Variants in ACSL6 observed in about 807,000 individuals in gnomAD.
The protein encoded by ACSL6 is acyl-CoA synthetase long chain family member 6.
ACSL6 carries 47 observed loss-of-function variants against 98.2 expected under a neutral mutation model. The observed-to-expected ratio is 0.48, with a 90% confidence interval of 0.38 to 0.61. ACSL6 has a LOEUF of 0.61. Ranked by LOEUF, ACSL6 falls within the 20% of genes least tolerant of loss-of-function variation. The pLI, the probability that ACSL6 is intolerant of heterozygous loss-of-function variation, is 0.00. For synonymous variants in ACSL6, 362 were observed against 336.9 expected (o/e 1.07, Z -0.82); for missense variants, 761 against 913.4 (o/e 0.83, Z 2.15).
chr5:131,997,861 CTCAG>C (rs1365537967), intron 1 of ACSL6, among the ~76,000 whole-genome samples: 5 of 152,202 alleles, frequency 3.3e-5, no homozygotes, highest in Non-Finnish European at 7.3e-5. Flanking sequence ...TATCGACCTT[CTCAG>C]TCAGAACTGC....
chr5:131,971,510 C>T (rs1753304854), intron 14 of ACSL6, 40 bp downstream of exon 14: 2 of 1,533,562 alleles, frequency 1.3e-6, no homozygotes, highest in African/African-American at 1.4e-5. Flanking sequence ...CCCTAACGAA[C>T]TTCCTGCTGT....
intron 17 of ACSL6, 62 bp from the exon 18 acceptor site, chr5:131,962,740 C>G: frequency 6.3e-7 from 1 of 1,588,162 alleles, no homozygotes; most frequent in Non-Finnish European, 8.6e-7. Flanking sequence ...ACCTTTGCTC[C>G]TCAGTGCCGT....
At chr5:131,964,416 A>T (rs1752899180) in intron 17 of ACSL6, among the ~76,000 whole-genome samples, 1 of 152,290 alleles carries the variant, frequency 6.6e-6, no homozygotes, top group Non-Finnish European at 1.5e-5. Flanking sequence ...TCATTTAAAA[A>T]TAATAATTTA....
intron 1 of ACSL6, among the ~76,000 whole-genome samples, chr5:131,996,343 C>T (rs1277742690): frequency 2.6e-5 from 4 of 152,210 alleles, no homozygotes; most frequent in Admixed American, 2.6e-4. Context: ...GACTAGCTGG[C>T]CTTCTTGGGA....
chr5:131,986,981 TCA>T (rs58544750), intron 7 of ACSL6, 127 bp from the exon 8 acceptor site: 1,530 of 80,578 alleles, frequency 0.019, no homozygotes, highest in Non-Finnish European at 0.031. Flanking sequence ...ACCCACACAC[TCA>T]CACACACACA....
At chr5:132,005,058 A>G (rs1412472949) in intron 1 of ACSL6, among the ~76,000 whole-genome samples, 1 of 152,186 alleles carries the variant, frequency 6.6e-6, no homozygotes, top group Non-Finnish European at 1.5e-5. Context: ...AGGCTGAGGC[A>G]GGAGAATCAC....
At position 132,011,375 on chromosome 5, in the gene ACSL6, T is replaced by A; in HGVS notation, c.49+130A>T. ...GTGTACTTAGGCGGCCCTGGGGACC[T>A]TGACGGGACAGCTCAGCAGCAGGGG... On this transcript the variant is annotated intron_variant, in intron 1 of 20. Coordinates refer to ENST00000651883, the MANE Select transcript of ACSL6 (RefSeq NM_001009185.3). The surrounding 1 kb of genome is among the most constrained non-coding windows in gnomAD (Gnocchi z 5.4). The A allele has an allele frequency of 9.5e-7, 1 of 1,052,030 alleles. No homozygotes were observed. The highest frequency in any genetic ancestry group is 1.4e-6 in the Non-Finnish European group (1 of 697,966). 65.2% of individuals were successfully genotyped at this position (1,052,030 alleles called of 1,614,324 possible).
chr5:131,951,952 CAAAAT>C lies in ACSL6; in HGVS notation c.*2277_*2281del. 1 of 174,382 alleles carries C rather than the reference CAAAAT, an allele frequency of 5.7e-6. No homozygotes were observed. Among genetic ancestry groups the C allele is most frequent in the East Asian group, 1.0e-4 (1 of 9,770 alleles). The allele number at this position is 174,382 out of a possible 1,614,324, so 10.8% of individuals were successfully genotyped here. Reference sequence around the variant, plus strand: ...TAACTATTATAAAGTATAAATAAAACAAAATAAGTTTTACATTACTTGTTTCTGTC... The same window carrying C: ...TAACTATTATAAAGTATAAATAAAACAAGTTTTACATTACTTGTTTCTGTC... On this transcript the variant is annotated 3_prime_UTR_variant, in exon 21 of 21. Coordinates refer to ENST00000651883, the MANE Select transcript of ACSL6 (RefSeq NM_001009185.3).
intron 3 of ACSL6, 84 bp downstream of exon 3, chr5:131,990,769 G>T: frequency 7.9e-7 from 1 of 1,265,916 alleles, no homozygotes. Flanking sequence ...CATGGCCCTG[G>T]TATCATGCTT....
At chr5:131,976,013 C>T (rs1363154408) in intron 10 of ACSL6, 2 of 985,354 alleles carry the variant, frequency 2.0e-6, no homozygotes, top group Non-Finnish European at 2.4e-6. Flanking sequence ...ACTTTCTCCA[C>T]AGTGAAGAAA....
intron 1 of ACSL6, among the ~76,000 whole-genome samples, chr5:132,002,592 G>A (rs974014360): frequency 2.4e-4 from 37 of 152,194 alleles, no homozygotes; most frequent in Admixed American, 2.2e-3. Context: ...CTGGGGACAC[G>A]TGCTAGGGGA....
intron 1 of ACSL6, among the ~76,000 whole-genome samples, chr5:132,002,444 T>A (rs1211735775): frequency 6.6e-6 from 1 of 152,094 alleles, no homozygotes; most frequent in Admixed American, 6.5e-5. Context: ...CAGGATGGGA[T>A]GCGACCTCCT....
At position 131,974,947 on chromosome 5, in the gene ACSL6, G is replaced by A. The variant is rs148019344; in HGVS notation, c.1014C>T (p.Asp338=). ...GAGGCAGGAAGGAGATGAGCACATC[G>A]TCCTGTCTCGGAAAGATCACTTTCT... The part of the protein sequence containing the change: ...VTEKVIFPRQ[D]DVLISFLPLA... The change falls in exon 11 of 21, where the codon GAC becomes GAT. Residue 338 remains aspartate, a synonymous_variant. Coordinates refer to ENST00000651883, the MANE Select transcript of ACSL6 (RefSeq NM_001009185.3). 8.7e-6 allele frequency: 14 copies of A among 1,613,942 alleles called. No individual in the cohort carries two copies. The Admixed American group carries it at 1.8e-4, about 21-fold the overall frequency.
chr5:131,960,729 A>G (rs1752662927), intron 18 of ACSL6, 108 bp from the exon 19 acceptor site: 3 of 732,796 alleles, frequency 4.1e-6, no homozygotes, highest in Non-Finnish European at 6.6e-6. Context: ...AAAACTAAGT[A>G]TATGTTTATA....
chr5:132,005,772 TG>T (rs1359212414), intron 1 of ACSL6, among the ~76,000 whole-genome samples: 1 of 152,216 alleles, frequency 6.6e-6, no homozygotes, highest in African/African-American at 2.4e-5. Context: ...AGCTGAGTCT[TG>T]ATCAGTCCCT....
At position 131,954,059 on chromosome 5, in the gene ACSL6, A is replaced by G; in HGVS notation, c.*175T>C. 1 of 464,314 alleles carries G rather than the reference A, an allele frequency of 2.2e-6. No homozygotes were observed. The highest frequency in any genetic ancestry group is 3.5e-6 in the Non-Finnish European group (1 of 282,476). The allele number at this position is 464,314 out of a possible 1,614,324, so 28.8% of individuals were successfully genotyped here. A position where few individuals can be genotyped will look rare whatever the true frequency, so the allele number is the denominator to read the frequency against. ...ATCATTTTTATAATAAAAATAAAATATACTCATTGATGATAGAGAAAATAT... is the reference window on the plus strand; with the variant it reads ...ATCATTTTTATAATAAAAATAAAATGTACTCATTGATGATAGAGAAAATAT... On this transcript the variant is annotated 3_prime_UTR_variant, in exon 21 of 21. Coordinates refer to ENST00000651883, the MANE Select transcript of ACSL6 (RefSeq NM_001009185.3).
At chr5:131,962,211 A>T (rs1165226689) in intron 18 of ACSL6, among the ~76,000 whole-genome samples, 1 of 152,088 alleles carries the variant, frequency 6.6e-6, no homozygotes, top group Non-Finnish European at 1.5e-5. Context: ...CAATAATAAT[A>T]ATAGTAATAA....
chr5:131,991,704 C>G (rs1457124730), intron 2 of ACSL6, among the ~76,000 whole-genome samples: 2 of 152,104 alleles, frequency 1.3e-5, no homozygotes, highest in Non-Finnish European at 2.9e-5. Flanking sequence ...CACCCTTCCC[C>G]AGGGTGCCCA....
At position 131,968,390 on chromosome 5, in the gene ACSL6, G is replaced by T. The variant is rs745806978; in HGVS notation, c.1508-362C>A. On this transcript the variant is annotated intron_variant, in intron 15 of 20. Transcript: ENST00000651883. ...CATTAAATCATTTTCCCCATTGTCA[G>T]ATCACACGTCTTGGTTTGGGGATCA... is the stretch of plus-strand genomic sequence containing the variant. Among the ~76,000 whole-genome samples, 4 of 152,206 alleles carry T rather than the reference G, an allele frequency of 2.6e-5. No individual in the cohort carries two copies. In the South Asian group the frequency reaches 8.3e-4, roughly 31 times the overall value.
Sources: allele counts gnomAD v4.1 joint callset (sites outside exome capture counted in the v4.1 genomes callset), GRCh38; gene constraint gnomAD v4.1.1; non-coding constraint Gnocchi (gnomAD v3.1); transcripts MANE v1.5; gene names NCBI Gene and HGNC (gene_info 2026-07-23, HGNC 2026-07-21).